Variants in CACNA1C observed in about 807,000 individuals in gnomAD.
CACNA1C encodes voltage-dependent L-type calcium channel subunit alpha-1C.
Under a neutral mutation model 229.0 loss-of-function variants are expected in CACNA1C, and 30 were observed. The ratio of observed to expected loss-of-function variants is 0.13; its 90% CI spans 0.10 to 0.18. The LOEUF is 0.18. CACNA1C is among the 10% of genes least tolerant of loss of function. The pLI is 1.00. For missense variants in CACNA1C, 1,658 were observed against 2,845.0 expected (o/e 0.58, Z 9.49); for synonymous variants, 1,114 against 1,132.5 (o/e 0.98, Z 0.33).
chr12:2,257,871 T>C (rs545882965), intron 3 of CACNA1C, among the ~76,000 whole-genome samples: 1 of 152,380 alleles, frequency 6.6e-6, no homozygotes, highest in Admixed American at 6.5e-5. Flanking sequence ...TTGGTCTTAC[T>C]GTTAGGTTTA....
At chr12:2,192,895 G>A (rs2097284565) in intron 3 of CACNA1C, among the ~76,000 whole-genome samples, 1 of 152,258 alleles carries the variant, frequency 6.6e-6, no homozygotes, top group African/African-American at 2.4e-5. Flanking sequence ...TTCCGAGGAG[G>A]TGGGCCTTTG....
intron 3 of CACNA1C, among the ~76,000 whole-genome samples, chr12:2,392,975 G>T (rs1366766542): frequency 6.6e-6 from 1 of 152,066 alleles, no homozygotes; most frequent in African/African-American, 2.4e-5. Context: ...TGTGTAGACT[G>T]TTGACTACTG....
At chr12:2,472,637 T>G (rs1370912665) in intron 5 of CACNA1C, among the ~76,000 whole-genome samples, 1 of 152,234 alleles carries the variant, frequency 6.6e-6, no homozygotes, top group Non-Finnish European at 1.5e-5. Flanking sequence ...CACATATATA[T>G]AGCTGTTTTC....
Position 2,692,564 on chromosome 12 carries a change from A to AACTC in CACNA1C, c.*1366_*1369dup, listed in dbSNP as rs2097800118. 1.3e-5 allele frequency: 2 copies of AACTC among 152,696 alleles called. No individual in the cohort carries two copies. Among genetic ancestry groups the AACTC allele is most frequent in the African/African-American group, 4.8e-5 (2 of 41,466 alleles). 9.5% of individuals were successfully genotyped at this position (152,696 alleles called of 1,614,324 possible). A position where few individuals can be genotyped will look rare whatever the true frequency, so the allele number is the denominator to read the frequency against. ...CTCTGCTTCTGAAACGGGAATCAGT[A>AACTC]ACTCTTTGCATTTTCTGTCCCACAA... On this transcript the variant is annotated 3_prime_UTR_variant, in exon 47 of 47. Transcript: ENST00000399655.
chr12:2,351,291 G>A (rs775326213), intron 3 of CACNA1C, among the ~76,000 whole-genome samples: 1 of 152,174 alleles, frequency 6.6e-6, no homozygotes. Context: ...GAAGGTGGCC[G>A]AAATCGCCTG....
intron 3 of CACNA1C, among the ~76,000 whole-genome samples, chr12:2,149,955 G>T (rs78597641): frequency 0.023 from 3,471 of 152,278 alleles, 151 homozygotes; most frequent in African/African-American, 0.078. Flanking sequence ...AGGAAGCAAG[G>T]ATGAGGAGCC....
At chr12:2,685,445 C>T (rs1285303168) in intron 43 of CACNA1C, among the ~76,000 whole-genome samples, 1 of 151,490 alleles carries the variant, frequency 6.6e-6, no homozygotes, top group Non-Finnish European at 1.5e-5. Context: ...ATTCTTTCCG[C>T]TTTCTCAACA....
rs371640459 is a variant in CACNA1C at position 2,651,744 on chromosome 12, G to A, written c.4050G>A (p.Leu1350=). The change falls in exon 32 of 47, where the codon CTG becomes CTA. Residue 1350 remains leucine (L), a synonymous_variant. Coordinates refer to ENST00000399655, the MANE Select transcript of CACNA1C (RefSeq NM_000719.7). The surrounding 1 kb of genome is among the most constrained non-coding windows in gnomAD (Gnocchi z 5.4). ...LSRGEGIRTL[L]WTFIKSFQAL... is the part of the protein sequence containing the mutation. ...GTGGGGAGGGCATCCGGACGCTGCTGTGGACCTTCATCAAGTCCTTCCAGG... is the reference window on the plus strand; with the variant it reads ...GTGGGGAGGGCATCCGGACGCTGCTATGGACCTTCATCAAGTCCTTCCAGG... 6.2e-5 allele frequency: 100 copies of A among 1,612,128 alleles called. No individual in the cohort carries two copies. Among genetic ancestry groups the A allele is most frequent in the Non-Finnish European group, 8.0e-5 (94 of 1,178,592 alleles).
chr12:2,407,217 C>T (rs2098748041), intron 3 of CACNA1C, among the ~76,000 whole-genome samples: 1 of 152,288 alleles, frequency 6.6e-6, no homozygotes, highest in South Asian at 2.1e-4. Context: ...GGGGGCACAC[C>T]TCATTACTGC....
At chr12:2,082,417 G>A (rs775984235) in intron 1 of CACNA1C, among the ~76,000 whole-genome samples, 7 of 152,266 alleles carry the variant, frequency 4.6e-5, no homozygotes, top group South Asian at 2.1e-4. Flanking sequence ...GCCCGGCAGC[G>A]TCTCCTGCAT....
intron 4 of CACNA1C, among the ~76,000 whole-genome samples, chr12:2,455,486 T>C (rs1321542495): frequency 6.6e-6 from 1 of 152,240 alleles, no homozygotes; most frequent in Admixed American, 6.5e-5. Flanking sequence ...ATAAAATCTA[T>C]GATCACTGTT....
intron 3 of CACNA1C, among the ~76,000 whole-genome samples, chr12:2,290,759 A>C (rs566869200): frequency 6.6e-5 from 10 of 151,884 alleles, no homozygotes; most frequent in Middle Eastern, 3.4e-3. Context: ...GGAGTCAAGG[A>C]CTCCTACCAG....
chr12:2,203,859 C>A (rs1255491782), intron 3 of CACNA1C, among the ~76,000 whole-genome samples: 1 of 152,178 alleles, frequency 6.6e-6, no homozygotes, highest in Non-Finnish European at 1.5e-5. Flanking sequence ...GTGAAGTGAC[C>A]TATAGGCCTA....
intron 3 of CACNA1C, among the ~76,000 whole-genome samples, chr12:2,209,479 C>T (rs936849606): frequency 6.6e-6 from 1 of 152,112 alleles, no homozygotes; most frequent in East Asian, 1.9e-4. Flanking sequence ...GAGGCACGCC[C>T]GTGGCTGCTC....
rs2096712046 is a variant in CACNA1C, at chr12:2,674,618, G to A, written c.4804G>A (p.Asp1602Asn). Residue 1602 changes from aspartate to asparagine, a missense_variant, in exon 39 of 47, where the codon GAC (aspartate) becomes AAC (asparagine). By Grantham distance (23) the Asp-to-Asn change is conservative (BLOSUM62 1). Coordinates refer to ENST00000399655, the MANE Select transcript of CACNA1C (RefSeq NM_000719.7). Reference protein sequence around the residue: ...IWKRTSMKLLDQVVPPAGDDE... With the variant: ...IWKRTSMKLLNQVVPPAGDDE... ...GAAGCGGACCAGCATGAAGCTGCTG[G>A]ACCAGGTGGTGCCCCCTGCAGGTGG... The A allele has an allele frequency of 1.1e-5, 17 of 1,571,578 alleles. No homozygotes were observed. The highest frequency in any genetic ancestry group is 1.5e-5 in the Non-Finnish European group (17 of 1,158,138).
chr12:2,583,443 C>T (rs543630980), intron 15 of CACNA1C, among the ~76,000 whole-genome samples: 142 of 152,326 alleles, frequency 9.3e-4, no homozygotes, highest in Non-Finnish European at 1.7e-3. Flanking sequence ...TCAAACAGCC[C>T]CAAAAGCTCC....
At chr12:2,281,369 T>C (rs1355825633) in intron 3 of CACNA1C, among the ~76,000 whole-genome samples, 5 of 152,168 alleles carry the variant, frequency 3.3e-5, no homozygotes, top group Non-Finnish European at 7.4e-5. Context: ...CCATTTCTGG[T>C]ACCCTTGATT....
At chr12:2,478,021 T>G (rs775875748) in intron 5 of CACNA1C, among the ~76,000 whole-genome samples, 2 of 152,044 alleles carry the variant, frequency 1.3e-5, no homozygotes, top group African/African-American at 4.8e-5. Flanking sequence ...TGGTGACTAT[T>G]GGACTCTTAG....
At chr12:2,499,556 G>T (rs758420658) in intron 7 of CACNA1C, among the ~76,000 whole-genome samples, 5 of 152,194 alleles carry the variant, frequency 3.3e-5, no homozygotes, top group Non-Finnish European at 7.3e-5. Context: ...TTCCCTTCAA[G>T]GAATTAGATG....
Sources: allele counts gnomAD v4.1 joint callset (sites outside exome capture counted in the v4.1 genomes callset), GRCh38; gene constraint gnomAD v4.1.1; non-coding constraint Gnocchi (gnomAD v3.1); transcripts MANE v1.5; gene names NCBI Gene and HGNC (gene_info 2026-07-23, HGNC 2026-07-21).